NFIA: variants seen among roughly 807,000 people sequenced by gnomAD.
The protein encoded by NFIA is nuclear factor 1 A-type.
A neutral mutation model predicts 62.8 loss-of-function variants in NFIA; 8 were observed. That is an observed-to-expected ratio of 0.13 (90% confidence interval 0.07 to 0.23). NFIA has a LOEUF of 0.23. NFIA is among the 10% of genes least tolerant of loss of function. The pLI is 1.00. For missense variants in NFIA, 410 were observed against 642.1 expected (o/e 0.64, Z 3.91); for synonymous variants, 235 against 238.1 (o/e 0.99, Z 0.12).
intron 2 of NFIA, among the ~76,000 whole-genome samples, chr1:61,235,783 A>G (rs1654974483): frequency 6.6e-6 from 1 of 150,724 alleles, no homozygotes; most frequent in Admixed American, 6.6e-5. Context: ...ACTGCACTCC[A>G]TCCTGGGTGA....
chr1:61,169,942 G>A (rs1254010317), intron 2 of NFIA, among the ~76,000 whole-genome samples: 3 of 152,124 alleles, frequency 2.0e-5, no homozygotes, highest in African/African-American at 4.8e-5. Flanking sequence ...TAAAAGTAAT[G>A]TTATTTGTTC....
intron 9 of NFIA, among the ~76,000 whole-genome samples, chr1:61,408,633 G>A (rs565524784): frequency 6.6e-6 from 1 of 152,284 alleles, no homozygotes; most frequent in South Asian, 2.1e-4. Context: ...AATGGCTCGT[G>A]TGTCCTAATG....
intron 3 of NFIA, among the ~76,000 whole-genome samples, chr1:61,281,060 A>G (rs904936319): frequency 1.1e-4 from 16 of 152,078 alleles, no homozygotes; most frequent in African/African-American, 3.6e-4. Context: ...CCTGGCCAAC[A>G]TGGTGCCCGT....
chr1:61,357,016 CA>C (rs1250330507), intron 5 of NFIA, among the ~76,000 whole-genome samples: 1 of 152,234 alleles, frequency 6.6e-6, no homozygotes, highest in African/African-American at 2.4e-5. Flanking sequence ...ACTCCCCTGT[CA>C]TTCCCTGTTT....
chr1:61,193,124 A>G (rs6676248), intron 2 of NFIA, among the ~76,000 whole-genome samples: 6 of 152,232 alleles, frequency 3.9e-5, no homozygotes, highest in African/African-American at 1.4e-4. Context: ...AAACATGGCT[A>G]TTATCATTGA....
At chr1:61,277,473 T>C in intron 2 of NFIA, 47 bp from the exon 3 acceptor site, 1 of 1,597,378 alleles carries the variant, frequency 6.3e-7, no homozygotes, top group Admixed American at 1.7e-5. Context: ...TGATGCACTT[T>C]CCCTTGCAGA....
intron 10 of NFIA, among the ~76,000 whole-genome samples, chr1:61,443,863 A>G (rs959123000): frequency 2.0e-5 from 3 of 152,162 alleles, no homozygotes; most frequent in African/African-American, 4.8e-5. Context: ...CTTAATTTCA[A>G]TAAGCCAGGA....
intron 6 of NFIA, among the ~76,000 whole-genome samples, chr1:61,363,482 T>C (rs1663410712): frequency 6.6e-6 from 1 of 151,942 alleles, no homozygotes; most frequent in South Asian, 2.1e-4. Flanking sequence ...TGCATGCCTA[T>C]AATCCCAGCT....
At chr1:61,278,690 C>T (rs1349717453) in intron 3 of NFIA, among the ~76,000 whole-genome samples, 1 of 152,130 alleles carries the variant, frequency 6.6e-6, no homozygotes, top group African/African-American at 2.4e-5. Context: ...ACTTGGGAGG[C>T]TTAGGCAGGA....
intron 2 of NFIA, among the ~76,000 whole-genome samples, chr1:61,185,716 C>G (rs1362760800): frequency 6.6e-6 from 1 of 151,222 alleles, no homozygotes; most frequent in African/African-American, 2.4e-5. Context: ...CAGAACCTGC[C>G]ATCCCATTTG....
chr1:61,372,501 T>C (rs1273380118), intron 6 of NFIA, among the ~76,000 whole-genome samples: 1 of 152,044 alleles, frequency 6.6e-6, no homozygotes, highest in African/African-American at 2.4e-5. Flanking sequence ...ACACCATCTC[T>C]TCTGTTGAAT....
At chr1:61,100,311 T>G (rs1646486327) in intron 2 of NFIA, among the ~76,000 whole-genome samples, 1 of 152,124 alleles carries the variant, frequency 6.6e-6, no homozygotes. Flanking sequence ...GGATGCTCTT[T>G]GGGTGGTGGT....
At chr1:61,295,759 T>C (rs1659157933) in intron 3 of NFIA, among the ~76,000 whole-genome samples, 1 of 152,238 alleles carries the variant, frequency 6.6e-6, no homozygotes, top group Admixed American at 6.5e-5. Flanking sequence ...TTTAATGATA[T>C]GATGTATCTG....
chr1:61,371,435 G>GC (rs1247964115), intron 6 of NFIA, among the ~76,000 whole-genome samples: 4 of 151,884 alleles, frequency 2.6e-5, no homozygotes, highest in Admixed American at 6.6e-5. Flanking sequence ...TTGTCTATCA[G>GC]CATTGAAACC....
At chr1:61,416,880 T>G (rs542217539) in intron 9 of NFIA, among the ~76,000 whole-genome samples, 1 of 152,308 alleles carries the variant, frequency 6.6e-6, no homozygotes, top group East Asian at 1.9e-4. Context: ...TGTAATATCA[T>G]GCAGCTTTCC....
chr1:61,286,508 G>T (rs1425603323), intron 3 of NFIA, among the ~76,000 whole-genome samples: 1 of 151,920 alleles, frequency 6.6e-6, no homozygotes, highest in Non-Finnish European at 1.5e-5. Context: ...AGATAGAGCA[G>T]ACATCCTGCT....
intron 2 of NFIA, among the ~76,000 whole-genome samples, chr1:61,234,316 G>A (rs1325638250): frequency 1.4e-5 from 2 of 145,714 alleles, no homozygotes; most frequent in Non-Finnish European, 3.0e-5. Flanking sequence ...GCGGTGAACC[G>A]AGATCGTGCC....
intron 3 of NFIA, among the ~76,000 whole-genome samples, chr1:61,324,631 C>T (rs2100375317): frequency 6.6e-6 from 1 of 152,334 alleles, no homozygotes; most frequent in East Asian, 1.9e-4. Flanking sequence ...CCAGGTGTCT[C>T]TGGCCTTGAC....
chr1:61,171,816 C>T (rs1649990002), intron 2 of NFIA, among the ~76,000 whole-genome samples: 1 of 152,180 alleles, frequency 6.6e-6, no homozygotes, highest in Non-Finnish European at 1.5e-5. Context: ...GAACTGTGTG[C>T]TTGCCTAGAG....
Sources: allele counts gnomAD v4.1 joint callset (sites outside exome capture counted in the v4.1 genomes callset), GRCh38; gene constraint gnomAD v4.1.1; transcripts MANE v1.5; gene names NCBI Gene and HGNC (gene_info 2026-07-23, HGNC 2026-07-21).